RACGAP1: variants seen among roughly 807,000 people sequenced by gnomAD.
The protein encoded by RACGAP1 is Rac GTPase activating protein 1, also known as rac GTPase-activating protein 1.
Under a neutral mutation model 78.1 loss-of-function variants are expected in RACGAP1, and 30 were observed. The observed-to-expected ratio is 0.38, with a 90% CI of 0.29 to 0.52. The LOEUF (loss-of-function observed/expected upper bound fraction) is 0.52. Ranked by LOEUF, RACGAP1 falls within the 20% of genes least tolerant of loss-of-function variation. The pLI, the probability that RACGAP1 is intolerant of heterozygous loss-of-function variation, is 0.82. For synonymous variants in RACGAP1, 231 were observed against 264.8 expected (o/e 0.87, Z 1.24); for missense variants, 587 against 777.1 (o/e 0.76, Z 2.91).
At chr12:50,020,201 G>A (rs1255562048) in intron 1 of RACGAP1, among the ~76,000 whole-genome samples, 3 of 151,884 alleles carry the variant, frequency 2.0e-5, no homozygotes, top group South Asian at 2.1e-4. Flanking sequence ...TTTCTGAGAC[G>A]GTGTCTTGCT....
rs139814524 is a variant in RACGAP1, at chr12:50,030,661, A to T, written c.-24+1036T>A. On this transcript the variant is annotated intron_variant, in intron 2 of 3. Transcript: ENST00000548247. ...CCGCGATTGCGCCACTGCACTCCAG[A>T]CTGGGCGACAGAGTGAAACTCTGTC... is the stretch of plus-strand genomic sequence containing the variant. Among the ~76,000 whole-genome samples, 132 of 152,200 alleles carry T rather than the reference A, an allele frequency of 8.7e-4. No individual in the cohort carries two copies. The East Asian group carries it at 0.023, about 26-fold the overall frequency.
chr12:50,021,116 A>C, intron 1 of RACGAP1: 1 of 983,698 alleles, frequency 1.0e-6, no homozygotes, highest in Non-Finnish European at 1.2e-6. Flanking sequence ...TCACATTTTC[A>C]CCCTCATGAA....
intron 10 of RACGAP1, 120 bp downstream of exon 10, chr12:49,996,920 G>C (rs973926141): frequency 2.2e-6 from 3 of 1,350,160 alleles, no homozygotes; most frequent in East Asian, 2.7e-5. Flanking sequence ...TACAATTCTA[G>C]TCATTATTTG....
Position 49,992,037 on chromosome 12 carries a change from A to G in RACGAP1, c.1675T>C (p.Ser559Pro). 6.2e-7 allele frequency: 1 copy of G among 1,614,090 alleles called. No homozygotes were observed. Among genetic ancestry groups the G allele is most frequent in the Non-Finnish European group, 8.5e-7 (1 of 1,180,018 alleles). ...GTCTGTGGTGTTGAAAAGGCATTTG[A>G]GTTTTCAATGACATGTAGGGGGTCA... Reference protein sequence around the residue: ...NIDPLHVIENSNAFSTPQTPD... With the variant: ...NIDPLHVIENPNAFSTPQTPD... Residue 559 changes from serine to proline, a missense_variant, in exon 15 of 17, where the codon TCA (serine) becomes CCA (proline). Coordinates refer to ENST00000312377, the MANE Select transcript of RACGAP1 (RefSeq NM_001319999.2).
At chr12:49,994,101 T>C (rs1438921608) in intron 12 of RACGAP1, 30 bp downstream of exon 12, 3 of 1,555,392 alleles carry the variant, frequency 1.9e-6, no homozygotes, top group Non-Finnish European at 2.6e-6. Context: ...CGTGGAGGAA[T>C]TCATATTCAA....
At chr12:50,000,158 C>A (rs1164866662) in intron 7 of RACGAP1, among the ~76,000 whole-genome samples, 9 of 152,052 alleles carry the variant, frequency 5.9e-5, no homozygotes, top group Non-Finnish European at 4.4e-5. Flanking sequence ...GGACTACAGG[C>A]GTCTGCCACC....
upstream of RACGAP1, among the ~76,000 whole-genome samples, chr12:50,026,349 T>TAAA (rs59207359): frequency 7.0e-6 from 1 of 142,512 alleles, no homozygotes; most frequent in Non-Finnish European, 1.5e-5. Context: ...GTCCTTAATT[T>TAAA]AAAAAAAAAA....
chr12:50,019,596 C>G lies in RACGAP1; in HGVS notation c.-4-2877G>C, dbSNP rs77332283. The G allele has an allele frequency of 9.0e-3, 1,365 of 151,920 alleles. 22 individuals are homozygous for G. Among genetic ancestry groups the G allele is most frequent in the African/African-American group, 0.031 (1,303 of 41,402 alleles). 9.4% of individuals were successfully genotyped at this position (151,920 alleles called of 1,614,324 possible). A position where few individuals can be genotyped will look rare whatever the true frequency, so the allele number is the denominator to read the frequency against. On this transcript the variant is annotated intron_variant, in intron 1 of 16. Transcript: ENST00000312377. ...CTGGGACAAGATGGGTGTGGTGGTG[C>G]GTGCCTGTAGTCCCAGCTATTCAGG...
At chr12:49,996,999 TAA>T in intron 10 of RACGAP1, 39 bp downstream of exon 10, 2 of 1,440,418 alleles carry the variant, frequency 1.4e-6, no homozygotes, top group African/African-American at 1.4e-5. Flanking sequence ...GAAAGGCGAA[TAA>T]AGAGGCCATA....
rs201821947 is a variant in RACGAP1, at chr12:49,997,021, C to T, written c.1044+19G>A. The T allele has an allele frequency of 2.7e-4, 394 of 1,444,074 alleles. 1 individual carries two copies. In the Middle Eastern group the frequency reaches 0.01, roughly 38 times the overall value. The allele number at this position is 1,444,074 out of a possible 1,614,324, so 89.5% of individuals were successfully genotyped here. A position where few individuals can be genotyped will look rare whatever the true frequency, so the allele number is the denominator to read the frequency against. On this transcript the variant is annotated intron_variant, in intron 10 of 16. Coordinates refer to ENST00000312377, the MANE Select transcript of RACGAP1 (RefSeq NM_001319999.2). ...GAATAAAGAGGCCATAAAACAATGA[C>T]GGCTTGCATAAGTCATACCTCTCCA...
Position 50,006,482 on chromosome 12 carries a change from A to G in RACGAP1, c.240T>C (p.Asp80=), listed in dbSNP as rs1161326310. 4 of 1,614,046 alleles carry G rather than the reference A, an allele frequency of 2.5e-6. No homozygotes were observed. Among genetic ancestry groups the G allele is most frequent in the East Asian group, 2.2e-5 (1 of 44,902 alleles). The change falls in exon 3 of 17, where the codon GAT becomes GAC. Residue 80 remains aspartate, a synonymous_variant. Coordinates refer to ENST00000312377, the MANE Select transcript of RACGAP1 (RefSeq NM_001319999.2). ...VKLKHARNQV[D]VEIKRRQRAE... is the part of the protein sequence containing the mutation. ...CTCTCTGTCTCCGTTTGATCTCTAC[A>G]TCCACCTGATTACGTGCATGCTTCA...
chr12:50,020,560 G>A (rs1028083906), intron 1 of RACGAP1, among the ~76,000 whole-genome samples: 9 of 152,010 alleles, frequency 5.9e-5, no homozygotes, highest in African/African-American at 2.2e-4. Flanking sequence ...AATAAATGTC[G>A]AGTTCTCATT....
intron 9 of RACGAP1, among the ~76,000 whole-genome samples, chr12:49,997,858 G>A (rs536282236): frequency 6.6e-6 from 1 of 152,286 alleles, no homozygotes; most frequent in South Asian, 2.1e-4. Context: ...GATTACAGGC[G>A]TGAGCCACTG....
At chr12:50,005,208 C>G in intron 4 of RACGAP1, 48 bp downstream of exon 4, 1 of 1,603,830 alleles carries the variant, frequency 6.2e-7, no homozygotes, top group South Asian at 1.1e-5. Context: ...GAATATCTGA[C>G]AGCCTGTGTT....
intron 2 of RACGAP1, among the ~76,000 whole-genome samples, chr12:50,010,435 T>C (rs1414587098): frequency 1.3e-5 from 2 of 151,656 alleles, no homozygotes; most frequent in African/African-American, 4.8e-5. Context: ...GCAATTCTCA[T>C]TCCTCAGCCT....
intron 2 of RACGAP1, among the ~76,000 whole-genome samples, chr12:50,010,485 G>C (rs191917090): frequency 2.6e-5 from 4 of 151,672 alleles, no homozygotes; most frequent in Non-Finnish European, 5.9e-5. Flanking sequence ...TACCACGCCC[G>C]GCTAACTTTT....
chr12:50,007,086 G>T (rs1461702153), intron 2 of RACGAP1, among the ~76,000 whole-genome samples: 1 of 152,174 alleles, frequency 6.6e-6, no homozygotes, highest in Non-Finnish European at 1.5e-5. Flanking sequence ...AAATGTAACT[G>T]CTGTAATATG....
intron 6 of RACGAP1, 137 bp from the exon 7 acceptor site, chr12:50,001,389 C>T: frequency 7.2e-6 from 4 of 552,202 alleles, no homozygotes; most frequent in Non-Finnish European, 1.3e-5. Flanking sequence ...TGTGTTCTCT[C>T]TCTCTCTCTC....
chr12:49,990,570 A>T (rs1947769363), intron 16 of RACGAP1, 114 bp downstream of exon 16: 3 of 900,576 alleles, frequency 3.3e-6, no homozygotes, highest in Admixed American at 2.5e-5. Context: ...TCCCTTTTAA[A>T]GTCTAGTTGC....
Sources: allele counts gnomAD v4.1 joint callset (sites outside exome capture counted in the v4.1 genomes callset), GRCh38; gene constraint gnomAD v4.1.1; transcripts MANE v1.5; gene names NCBI Gene and HGNC (gene_info 2026-07-23, HGNC 2026-07-21).